The following SPIRE1 variants were observed in gnomAD, a reference collection of about 807,000 sequenced individuals.
SPIRE1 encodes the protein spire type actin nucleation factor 1.
SPIRE1 carries 40 observed loss-of-function variants against 94.1 expected under a neutral mutation model. The ratio of observed to expected loss-of-function variants is 0.43; its 90% CI spans 0.33 to 0.55. The LOEUF is 0.55. Ranked by LOEUF, SPIRE1 falls within the 20% of genes least tolerant of loss-of-function variation. The pLI, the probability that SPIRE1 is intolerant of heterozygous loss-of-function variation, is 0.06. For missense variants in SPIRE1, 838 were observed against 975.2 expected, an observed-to-expected ratio of 0.86 and a Z score of 1.87; for synonymous variants, 376 against 371.7, an observed-to-expected ratio of 1.01 and a Z score of -0.13.
intron 4 of SPIRE1, among the ~76,000 whole-genome samples, chr18:12,529,158 A>T (rs1217396993): frequency 6.6e-6 from 1 of 152,208 alleles, no homozygotes; most frequent in Non-Finnish European, 1.5e-5. Flanking sequence ...CCACGAGGTC[A>T]GGAGATCAAG....
Position 12,657,938 on chromosome 18 carries a change from C to A in SPIRE1, c.-72G>T. On this transcript the variant is annotated 5_prime_UTR_variant, in exon 1 of 17. Transcript: ENST00000409402. ...CTCCTCAGCTCCGGAGCATCGTCGT[C>A]GCGCGCCGCCGCCTCACCATCCCCG... The A allele has an allele frequency of 9.9e-7, 1 of 1,010,380 alleles. No individual in the cohort carries two copies. The highest frequency in any genetic ancestry group is 4.6e-5 in the South Asian group (1 of 21,832). 62.6% of individuals were successfully genotyped at this position (1,010,380 alleles called of 1,614,324 possible).
In SPIRE1 at chr18:12,630,333, G is replaced by A. The variant is rs974945095; in HGVS notation, c.372+4729C>T. Among the ~76,000 whole-genome samples, 4 of 152,126 alleles carry A rather than the reference G, an allele frequency of 2.6e-5. No homozygotes were observed. The South Asian group carries it at 6.2e-4, about 24-fold the overall frequency. Reference sequence around the variant, plus strand: ...AGGAATGACACATAATATGCTGCACGTATAAAGCTAGGCTTGATGCTGAAT... The same window carrying A: ...AGGAATGACACATAATATGCTGCACATATAAAGCTAGGCTTGATGCTGAAT... On this transcript the variant is annotated intron_variant, in intron 2 of 16. Coordinates refer to ENST00000409402, the MANE Select transcript of SPIRE1 (RefSeq NM_001128626.2).
intron 2 of SPIRE1, among the ~76,000 whole-genome samples, chr18:12,625,851 T>C (rs1365013232): frequency 3.3e-5 from 5 of 152,114 alleles, no homozygotes; most frequent in African/African-American, 1.2e-4. Flanking sequence ...GAGATCAGCC[T>C]GGCCAACATG....
upstream of SPIRE1, among the ~76,000 whole-genome samples, chr18:12,659,846 G>A (rs1359746590): frequency 6.0e-5 from 9 of 151,204 alleles, no homozygotes; most frequent in Admixed American, 4.6e-4. Context: ...AGGCAAACAT[G>A]TAATTCCTTA....
At chr18:12,592,160 T>G (rs576253091) in intron 2 of SPIRE1, among the ~76,000 whole-genome samples, 3 of 152,048 alleles carry the variant, frequency 2.0e-5, no homozygotes, top group African/African-American at 4.8e-5. Flanking sequence ...TTTAAAACAA[T>G]GAAACCAGAT....
intron 5 of SPIRE1, among the ~76,000 whole-genome samples, chr18:12,510,213 G>A (rs958701409): frequency 3.3e-5 from 5 of 152,010 alleles, no homozygotes; most frequent in African/African-American, 9.7e-5. Flanking sequence ...GGGGAGGAGG[G>A]AGGCAGGAGG....
intron 6 of SPIRE1, among the ~76,000 whole-genome samples, chr18:12,505,552 C>CA (rs57390189): frequency 0.43 from 47,940 of 112,372 alleles, 9,335 homozygotes; most frequent in East Asian, 0.68. Context: ...GACCCTGTCT[C>CA]AAAAAAAAAA....
intron 2 of SPIRE1, among the ~76,000 whole-genome samples, chr18:12,562,326 T>C (rs2036628992): frequency 6.6e-6 from 1 of 152,160 alleles, no homozygotes; most frequent in South Asian, 2.1e-4. Flanking sequence ...ACTCTGTCAC[T>C]CAGGCTGGAG....
intron 10 of SPIRE1, among the ~76,000 whole-genome samples, chr18:12,465,390 C>T (rs2032050246): frequency 1.3e-5 from 2 of 152,004 alleles, no homozygotes; most frequent in African/African-American, 4.8e-5. Flanking sequence ...GCCTAGCTGG[C>T]CTTGAGCTCA....
chr18:12,452,186 A>C, intron 16 of SPIRE1, 69 bp downstream of exon 16: 1 of 1,595,184 alleles, frequency 6.3e-7, no homozygotes, highest in Admixed American at 1.7e-5. Flanking sequence ...CTAACACTCT[A>C]CCACAGTCCT....
rs2032029754 is a variant in SPIRE1, at chr18:12,464,979, G to T, written c.1405-21C>A. On this transcript the variant is annotated intron_variant, in intron 10 of 16. Coordinates refer to ENST00000409402, the MANE Select transcript of SPIRE1 (RefSeq NM_001128626.2). Reference sequence around the variant, plus strand: ...TCTTCCTGAGCAAAGTACAGGTGGAGAAATCGACTTCTTAGACATTTGTGC... The same window carrying T: ...TCTTCCTGAGCAAAGTACAGGTGGATAAATCGACTTCTTAGACATTTGTGC... The T allele has an allele frequency of 3.1e-6, 5 of 1,607,024 alleles. No homozygotes were observed. The East Asian group carries it at 1.1e-4, about 36-fold the overall frequency.
rs1385867488 is a variant in SPIRE1, at chr18:12,546,979, T to G, written c.373-75A>C. 6.1e-6 allele frequency: 6 copies of G among 982,650 alleles called. No individual in the cohort carries two copies. The East Asian group carries it at 1.6e-4, about 26-fold the overall frequency. 60.9% of individuals were successfully genotyped at this position (982,650 alleles called of 1,614,324 possible). ...AGGACTAATTGTGAGGCATAAGATG[T>G]TTAGTATGATTTTTTCCCTCAAACC... is the stretch of plus-strand genomic sequence containing the variant. On this transcript the variant is annotated intron_variant, in intron 2 of 16. Coordinates refer to ENST00000409402, the MANE Select transcript of SPIRE1 (RefSeq NM_001128626.2).
At chr18:12,549,414 CTTT>C (rs1567926123) in intron 2 of SPIRE1, among the ~76,000 whole-genome samples, 1 of 16,278 alleles carries the variant, frequency 6.1e-5, no homozygotes, top group African/African-American at 3.2e-4. Flanking sequence ...TTTTGTTTTG[CTTT>C]TTGTTTGTTT....
At chr18:12,614,715 G>A (rs2037235858) in intron 2 of SPIRE1, among the ~76,000 whole-genome samples, 2 of 152,146 alleles carry the variant, frequency 1.3e-5, no homozygotes, top group African/African-American at 2.4e-5. Context: ...CTACTTGGGA[G>A]GCTGAGGCAG....
intron 2 of SPIRE1, among the ~76,000 whole-genome samples, chr18:12,612,646 T>A (rs2037174689): frequency 6.6e-6 from 1 of 152,222 alleles, no homozygotes; most frequent in African/African-American, 2.4e-5. Flanking sequence ...AGGAAATTTG[T>A]ATGCATATTA....
At chr18:12,609,394 G>A (rs116227483) in intron 2 of SPIRE1, among the ~76,000 whole-genome samples, 3,088 of 152,262 alleles carry the variant, frequency 0.02, 116 homozygotes, top group African/African-American at 0.07. Flanking sequence ...CCTGAAACTG[G>A]CAAGGTGGGA....
At chr18:12,512,100 C>T (rs554455953) in intron 5 of SPIRE1, among the ~76,000 whole-genome samples, 6 of 152,248 alleles carry the variant, frequency 3.9e-5, no homozygotes, top group African/African-American at 1.4e-4. Flanking sequence ...CAAGGTGGCT[C>T]ATGCCTGTAA....
Position 12,623,907 on chromosome 18 carries a change from C to T in SPIRE1, c.372+11155G>A, listed in dbSNP as rs533054551. 3.2e-3 allele frequency among the ~76,000 whole-genome samples: 478 copies of T among 150,984 alleles called. 2 individuals are homozygous for T. The highest frequency in any genetic ancestry group is 0.011 in the African/African-American group (457 of 41,086). ...CCTTCCAAAGTGCTGGGATTACAGGCGTAAGCCACTGCACTCGGCCTTTTT... is the reference window on the plus strand; with the variant it reads ...CCTTCCAAAGTGCTGGGATTACAGGTGTAAGCCACTGCACTCGGCCTTTTT... On this transcript the variant is annotated intron_variant, in intron 2 of 16. Coordinates refer to ENST00000409402, the MANE Select transcript of SPIRE1 (RefSeq NM_001128626.2).
chr18:12,558,365 C>T (rs554809013), intron 2 of SPIRE1, among the ~76,000 whole-genome samples: 3 of 152,204 alleles, frequency 2.0e-5, no homozygotes, highest in South Asian at 2.1e-4. Context: ...TGCAGACTTT[C>T]GTGGTGAGTG....
Sources: allele counts gnomAD v4.1 joint callset (sites outside exome capture counted in the v4.1 genomes callset), GRCh38; gene constraint gnomAD v4.1.1; transcripts MANE v1.5; gene names NCBI Gene and HGNC (gene_info 2026-07-23, HGNC 2026-07-21).